The following ADAM29 variants were observed in gnomAD, a reference collection of about 807,000 sequenced individuals.
ADAM29 encodes disintegrin and metalloproteinase domain-containing protein 29.
For missense variants in ADAM29, 969 were observed against 1,001.8 expected (o/e 0.97, Z 0.44); for synonymous variants, 367 against 342.3 (o/e 1.07, Z -0.80).
Position 174,977,107 on chromosome 4 carries a change from G to A in ADAM29, c.1582G>A (p.Gly528Ser), listed in dbSNP as rs748192317. ...ETCYKELNTL[G>S]DRVGHCGIKN... ...TTGCTACAAAGAATTGAACACCTTA[G>A]GTGACCGTGTTGGTCACTGTGGTAT... The change falls in exon 5 of 5, where the codon GGT (glycine) becomes AGT (serine). Residue 528 changes from glycine to serine, a missense_variant. Coordinates refer to ENST00000359240, the MANE Select transcript of ADAM29 (RefSeq NM_014269.4). 20 of 1,613,930 alleles carry A rather than the reference G, an allele frequency of 1.2e-5. No homozygotes were observed. In the Admixed American group the frequency reaches 2.7e-4, roughly 22 times the overall value.
At chr4:174,947,995 T>G (rs6858543) in intron 4 of ADAM29, among the ~76,000 whole-genome samples, 111,472 of 152,088 alleles carry the variant, frequency 0.73, 41,795 homozygotes, top group Middle Eastern at 0.82. Flanking sequence ...TGACATTCTT[T>G]AAGTGAGTGT....
intron 4 of ADAM29, among the ~76,000 whole-genome samples, chr4:174,971,552 G>T (rs1026699554): frequency 6.6e-6 from 1 of 152,068 alleles, no homozygotes; most frequent in African/African-American, 2.4e-5. Flanking sequence ...GGCCTGCAAG[G>T]TTTCTGCTGA....
rs1319109136 is a variant in ADAM29, at chr4:174,974,411, A to G, written c.-180-935A>G. The stretch of plus-strand genomic sequence containing the variant: ...TCCTCAAGTCCAAAGGTCACTAGTC[A>G]GAATTTTTCTTTTTATTAACCATCC... On this transcript the variant is annotated intron_variant, in intron 4 of 4. Coordinates refer to ENST00000359240, the MANE Select transcript of ADAM29 (RefSeq NM_014269.4). Among the ~76,000 whole-genome samples, 3 of 152,236 alleles carry G rather than the reference A, an allele frequency of 2.0e-5. No homozygotes were observed. The East Asian group carries it at 5.8e-4, about 29-fold the overall frequency.
intron 4 of ADAM29, among the ~76,000 whole-genome samples, chr4:174,974,896 C>G (rs371975865): frequency 2.0e-5 from 3 of 152,194 alleles, no homozygotes; most frequent in East Asian, 3.9e-4. Context: ...AAAAATGTCT[C>G]TTAGATAATG....
intron 4 of ADAM29, among the ~76,000 whole-genome samples, chr4:174,964,089 T>A (rs1746014965): frequency 6.6e-6 from 1 of 152,064 alleles, no homozygotes; most frequent in Non-Finnish European, 1.5e-5. Flanking sequence ...ATAATAAAAT[T>A]TTTTTTCTAT....
chr4:174,947,798 T>G (rs1744938980), intron 4 of ADAM29, among the ~76,000 whole-genome samples: 1 of 152,146 alleles, frequency 6.6e-6, no homozygotes, highest in African/African-American at 2.4e-5. Context: ...ATAACTTTGT[T>G]AGTTTTCTGC....
chr4:174,975,452 C>A lies in ADAM29; in HGVS notation c.-74C>A. On this transcript the variant is annotated 5_prime_UTR_variant, in exon 5 of 5. Coordinates refer to ENST00000359240, the MANE Select transcript of ADAM29 (RefSeq NM_014269.4). ...GAGCCACACCACCTGTGACTCCAGC[C>A]CTGACTTCTGCTCTGGACCAGTGTT... is the stretch of plus-strand genomic sequence containing the variant. 1 of 1,426,976 alleles carries A rather than the reference C, an allele frequency of 7.0e-7. No homozygotes were observed. Among genetic ancestry groups the A allele is most frequent in the Non-Finnish European group, 9.3e-7 (1 of 1,075,704 alleles). The allele number at this position is 1,426,976 out of a possible 1,614,324, so 88.4% of individuals were successfully genotyped here.
At chr4:174,926,826 C>G (rs1038414933) in intron 2 of ADAM29, among the ~76,000 whole-genome samples, 13 of 151,352 alleles carry the variant, frequency 8.6e-5, no homozygotes, top group African/African-American at 3.2e-4. Context: ...ACAATGCTAT[C>G]TATATGGCTA....
At chr4:174,961,234 T>G (rs1485702463) in intron 4 of ADAM29, among the ~76,000 whole-genome samples, 1 of 151,892 alleles carries the variant, frequency 6.6e-6, no homozygotes, top group Non-Finnish European at 1.5e-5. Flanking sequence ...AAATATCCCT[T>G]TTTACATACA....
At chr4:174,960,368 T>G (rs151166018) in intron 4 of ADAM29, among the ~76,000 whole-genome samples, 1 of 152,272 alleles carries the variant, frequency 6.6e-6, no homozygotes, top group Admixed American at 6.5e-5. Context: ...AAATTTTAAG[T>G]ATCATATCTT....
chr4:174,922,811 A>G (rs1263212179), intron 2 of ADAM29, among the ~76,000 whole-genome samples: 4 of 152,064 alleles, frequency 2.6e-5, no homozygotes, highest in Admixed American at 2.6e-4. Context: ...TCTGTAAGCA[A>G]TGTTATCTTT....
intron 4 of ADAM29, among the ~76,000 whole-genome samples, chr4:174,951,405 A>G (rs1260009910): frequency 1.3e-5 from 2 of 152,200 alleles, no homozygotes; most frequent in African/African-American, 4.8e-5. Context: ...TTAGAAATAA[A>G]CTTCTCTGAT....
At chr4:174,950,184 C>A (rs1195117695) in intron 4 of ADAM29, among the ~76,000 whole-genome samples, 1 of 152,170 alleles carries the variant, frequency 6.6e-6, no homozygotes, top group Non-Finnish European at 1.5e-5. Context: ...CCATTGATTT[C>A]CCCACTCCAT....
chr4:174,948,209 C>T (rs758495247), intron 4 of ADAM29, among the ~76,000 whole-genome samples: 10 of 152,192 alleles, frequency 6.6e-5, no homozygotes, highest in Non-Finnish European at 1.3e-4. Flanking sequence ...GAAACTACTG[C>T]AATCATCTGA....
chr4:174,973,872 T>C (rs534727825), intron 4 of ADAM29, among the ~76,000 whole-genome samples: 1 of 152,296 alleles, frequency 6.6e-6, no homozygotes, highest in South Asian at 2.1e-4. Flanking sequence ...GATAGAGGGC[T>C]AGGAAATATC....
intron 4 of ADAM29, among the ~76,000 whole-genome samples, chr4:174,942,115 G>A (rs904356723): frequency 1.1e-4 from 16 of 152,310 alleles, no homozygotes; most frequent in African/African-American, 3.8e-4. Flanking sequence ...ATGGCCTTGG[G>A]AAGCTCCACC....
chr4:174,930,024 G>A (rs965560511), intron 2 of ADAM29, among the ~76,000 whole-genome samples: 1 of 152,114 alleles, frequency 6.6e-6, no homozygotes, highest in African/African-American at 2.4e-5. Flanking sequence ...TGCCTCCCGG[G>A]TTCACTCCAT....
intron 4 of ADAM29, among the ~76,000 whole-genome samples, chr4:174,940,858 T>C (rs929229536): frequency 6.6e-6 from 1 of 152,206 alleles, no homozygotes; most frequent in Non-Finnish European, 1.5e-5. Context: ...TATGCATTCA[T>C]AACTAGTAAA....
chr4:174,976,815 TCTGA>T lies in ADAM29; in HGVS notation c.1295_1298del (p.Thr432MetfsTer92), dbSNP rs1560898704. ...ATCCCTGCTGTCTGTCAAATTGCAC[TCTGA>T]CTGATGGTTCTACTTGTGCTTTTGG... is the stretch of plus-strand genomic sequence containing the variant. On this transcript the variant is annotated frameshift_variant, in exon 5 of 5. Transcript: ENST00000359240. LOFTEE classifies it low-confidence loss of function (END_TRUNC). 6.2e-7 allele frequency: 1 copy of T among 1,614,204 alleles called. No individual in the cohort carries two copies. The highest frequency in any genetic ancestry group is 8.5e-7 in the Non-Finnish European group (1 of 1,180,036).
Sources: allele counts gnomAD v4.1 joint callset (sites outside exome capture counted in the v4.1 genomes callset), GRCh38; gene constraint gnomAD v4.1.1; transcripts MANE v1.5; gene names NCBI Gene and HGNC (gene_info 2026-07-23, HGNC 2026-07-21).